The following MYO10 variants were observed in gnomAD, a reference collection of about 807,000 sequenced individuals.
The protein encoded by MYO10 is unconventional myosin-X.
A neutral mutation model predicts 257.3 loss-of-function variants in MYO10; 133 were observed. The observed-to-expected ratio is 0.52, with a 90% confidence interval of 0.45 to 0.60. The LOEUF (loss-of-function observed/expected upper bound fraction) is 0.60, where lower values mean the gene tolerates loss of function less well. Among genes scored for constraint, MYO10 ranks in the 20% least tolerant of loss-of-function variants. MYO10 has a pLI of 0.00. For missense variants in MYO10, 2,399 were observed against 2,635.7 expected (o/e 0.91, Z 1.97); for synonymous variants, 1,104 against 1,028.6 (o/e 1.07, Z -1.40).
intron 4 of MYO10, among the ~76,000 whole-genome samples, chr5:16,787,424 T>C (rs1031412213): frequency 2.0e-5 from 3 of 151,978 alleles, no homozygotes; most frequent in African/African-American, 7.2e-5. Flanking sequence ...ACTCTGCAGG[T>C]AGTACATTTC....
chr5:16,931,187 C>T (rs990238461), intron 1 of MYO10, among the ~76,000 whole-genome samples: 1 of 152,128 alleles, frequency 6.6e-6, no homozygotes, highest in African/African-American at 2.4e-5. Context: ...AGGAGAATCG[C>T]TTGAACCCGG....
chr5:16,713,103 T>C (rs1218654783), intron 19 of MYO10, among the ~76,000 whole-genome samples: 3 of 152,212 alleles, frequency 2.0e-5, no homozygotes, highest in Non-Finnish European at 4.4e-5. Context: ...GTTAAATTTA[T>C]ACTACCAGAG....
At chr5:16,792,234 T>TAAA in intron 4 of MYO10, among the ~76,000 whole-genome samples, 1 of 147,274 alleles carries the variant, frequency 6.8e-6, no homozygotes, top group Middle Eastern at 3.4e-3. Flanking sequence ...CCCATTTGTT[T>TAAA]AAAAAAAAAA....
intron 1 of MYO10, among the ~76,000 whole-genome samples, chr5:16,910,826 T>C (rs1745638595): frequency 6.6e-6 from 1 of 152,176 alleles, no homozygotes; most frequent in Non-Finnish European, 1.5e-5. Context: ...TTCTAGAACC[T>C]TCCCATTTAT....
At chr5:16,819,303 G>A (rs1051351094) in intron 2 of MYO10, among the ~76,000 whole-genome samples, 3 of 152,140 alleles carry the variant, frequency 2.0e-5, no homozygotes, top group Admixed American at 6.5e-5. Flanking sequence ...CTCTGGTACC[G>A]TCAGATTGCT....
At chr5:16,767,990 C>G (rs1177350586) in intron 10 of MYO10, among the ~76,000 whole-genome samples, 1 of 152,076 alleles carries the variant, frequency 6.6e-6, no homozygotes, top group Non-Finnish European at 1.5e-5. Context: ...AAAGTTTTAA[C>G]TTTTAATGTG....
rs1267839568 is a variant in MYO10, at chr5:16,676,135, T to C, written c.4562A>G (p.Asp1521Gly). Residue 1521 changes from aspartate to glycine, a missense_variant, in exon 34 of 41, where the codon GAT (aspartate) becomes GGT (glycine). By Grantham distance (94) the Asp-to-Gly change is moderately conservative. Transcript: ENST00000513610. ...CCGCTTGTAAATCTGTTCCACCACA[T>C]CCGAGTTCAGGCAGTTCTCCTAAAA... ...QDIKENCLNS[D>G]VVEQIYKRNP... The C allele has an allele frequency of 6.2e-7, 1 of 1,612,908 alleles. No individual in the cohort carries two copies. Among genetic ancestry groups the C allele is most frequent in the Non-Finnish European group, 8.5e-7 (1 of 1,179,600 alleles).
chr5:16,856,714 G>T (rs13174297), intron 2 of MYO10, among the ~76,000 whole-genome samples: 1 of 152,124 alleles, frequency 6.6e-6, no homozygotes, highest in African/African-American at 2.4e-5. Context: ...GGGCAGGGAC[G>T]AGGGTAAGGA....
chr5:16,689,764 T>C, intron 28 of MYO10, 60 bp downstream of exon 28: 1 of 1,384,958 alleles, frequency 7.2e-7, no homozygotes, highest in South Asian at 1.2e-5. Flanking sequence ...TGTGTGATGC[T>C]CACACCTGTG....
chr5:16,674,589 AGCAGTGG>A (rs1736635536), intron 35 of MYO10, among the ~76,000 whole-genome samples: 1 of 147,980 alleles, frequency 6.8e-6, no homozygotes, highest in African/African-American at 2.5e-5. Context: ...TTAAATATAG[AGCAGTGG>A]TAATTAATTG....
chr5:16,685,703 AC>A, intron 29 of MYO10, 34 bp downstream of exon 29: 1 of 1,266,240 alleles, frequency 7.9e-7, no homozygotes, highest in Non-Finnish European at 1.1e-6. Flanking sequence ...CTGCCCCTAG[AC>A]GCCCCACCCC....
At chr5:16,768,884 C>T (rs1319388466) in intron 10 of MYO10, among the ~76,000 whole-genome samples, 190 bp downstream of exon 10, 1 of 151,882 alleles carries the variant, frequency 6.6e-6, no homozygotes, top group Non-Finnish European at 1.5e-5. Context: ...CCACATTGCC[C>T]AGGCTGGTCT....
At chr5:16,856,204 G>A (rs1433609354) in intron 2 of MYO10, among the ~76,000 whole-genome samples, 3 of 152,264 alleles carry the variant, frequency 2.0e-5, no homozygotes, top group Admixed American at 2.0e-4. Context: ...TACTGCAGCC[G>A]TCTCATCTTT....
chr5:16,836,314 A>T (rs73754014), intron 2 of MYO10, among the ~76,000 whole-genome samples: 1 of 152,238 alleles, frequency 6.6e-6, no homozygotes, highest in Non-Finnish European at 1.5e-5. Context: ...GTCACTATTC[A>T]TATGAGAGAA....
At chr5:16,894,278 C>T (rs928563143) in intron 1 of MYO10, among the ~76,000 whole-genome samples, 2 of 152,138 alleles carry the variant, frequency 1.3e-5, no homozygotes, top group South Asian at 2.1e-4. Context: ...ATAGCCTTGA[C>T]GGTTTTGAGA....
At chr5:16,800,742 G>C (rs907994919) in intron 3 of MYO10, among the ~76,000 whole-genome samples, 1 of 152,114 alleles carries the variant, frequency 6.6e-6, no homozygotes, top group African/African-American at 2.4e-5. Context: ...CACCCCCGTG[G>C]CTGTGTTGGA....
chr5:16,678,859 A>G (rs571195869), intron 33 of MYO10, among the ~76,000 whole-genome samples: 1 of 152,218 alleles, frequency 6.6e-6, no homozygotes, highest in Non-Finnish European at 1.5e-5. Flanking sequence ...TTGCCCTGGG[A>G]ATCTGCCTGC....
At chr5:16,691,698 CAA>C (rs34616596) in intron 27 of MYO10, among the ~76,000 whole-genome samples, 40,259 of 133,934 alleles carry the variant, frequency 0.3, 5,606 homozygotes, top group South Asian at 0.39. Context: ...GACTCTGTAT[CAA>C]AAAAAAAAAA....
chr5:16,757,302 ACACACACACACACG>A lies in MYO10; in HGVS notation c.1848+802_1848+815del, dbSNP rs1270042386. Among the ~76,000 whole-genome samples the A allele has an allele frequency of 1.8e-3, 81 of 44,824 alleles. 2 individuals carry two copies. Among genetic ancestry groups the A allele is most frequent in the African/African-American group, 6.7e-3 (53 of 7,936 alleles). The allele number at this position is 44,824 out of a possible 152,430, so 29.4% of individuals were successfully genotyped here. On this transcript the variant is annotated intron_variant, in intron 18 of 40. Coordinates refer to ENST00000513610, the MANE Select transcript of MYO10 (RefSeq NM_012334.3). ...AAGACCCTGTCTCACACACACACAA[ACACACACACACACG>A]CACACACACACACACACACACACAC...
Sources: gnomAD v4.1 joint callset for allele counts (sites outside exome capture counted in the v4.1 genomes callset) on GRCh38, gnomAD v4.1.1 for gene constraint, MANE v1.5 for transcripts, NCBI Gene and HGNC (gene_info 2026-07-23, HGNC 2026-07-21) for gene names.